Variants in LANCL2 observed in about 807,000 individuals in gnomAD.
LANCL2 encodes the protein LanC like glutathione S-transferase 2, also known as lanC-like protein 2.
A neutral mutation model predicts 56.9 loss-of-function variants in LANCL2; 33 were observed. The ratio of observed to expected loss-of-function variants is 0.58; its 90% confidence interval spans 0.44 to 0.78. The LOEUF is 0.78. LANCL2 is among the 30% of genes least tolerant of loss of function. The pLI, the probability that LANCL2 is intolerant of heterozygous loss-of-function variation, is 0.00. For synonymous variants in LANCL2, 233 were observed against 228.2 expected (o/e 1.02, Z -0.19); for missense variants, 562 against 580.2 (o/e 0.97, Z 0.32).
At chr7:55,385,088 A>G (rs1790109715) in intron 1 of LANCL2, among the ~76,000 whole-genome samples, 2 of 152,044 alleles carry the variant, frequency 1.3e-5, no homozygotes, top group East Asian at 1.9e-4. Flanking sequence ...TTGGGACGCT[A>G]AGGCAGGAGA....
At chr7:55,430,050 G>A (rs1568825) in intron 8 of LANCL2, among the ~76,000 whole-genome samples, 101,429 of 152,170 alleles carry the variant, frequency 0.67, 34,075 homozygotes, top group Admixed American at 0.73. Flanking sequence ...CAGTGGATCC[G>A]CTGCCCACAC....
At chr7:55,428,267 C>T (rs888394736) in intron 7 of LANCL2, 108 bp from the exon 8 acceptor site, 9 of 962,750 alleles carry the variant, frequency 9.3e-6, no homozygotes, top group East Asian at 2.4e-5. Flanking sequence ...GAATGCCCTA[C>T]AGCTGGGGGT....
rs183358599 is a variant in LANCL2, at chr7:55,391,212, G to A, written c.205-581G>A. 4.0e-4 allele frequency among the ~76,000 whole-genome samples: 60 copies of A among 151,578 alleles called. 2 individuals carry two copies. Among genetic ancestry groups the A allele is most frequent in the East Asian group, 1.8e-3 (9 of 5,142 alleles). ...TTTTGTGTTTTTTAGTAGAGACGGG[G>A]TTTCACTGTGTTAGCCAGGATGGTC... On this transcript the variant is annotated intron_variant, in intron 1 of 8. Transcript: ENST00000254770.
chr7:55,415,196 C>T (rs979354120), intron 6 of LANCL2, among the ~76,000 whole-genome samples: 9 of 152,072 alleles, frequency 5.9e-5, no homozygotes, highest in African/African-American at 2.2e-4. Flanking sequence ...TAAACAAATA[C>T]ATTTGTTAAA....
chr7:55,366,193 G>A lies in LANCL2; in HGVS notation c.168G>A (p.Thr56=). The A allele has an allele frequency of 6.5e-7, 1 of 1,546,842 alleles. No individual in the cohort carries two copies. The highest frequency in any genetic ancestry group is 8.7e-7 in the Non-Finnish European group (1 of 1,143,626). The change falls in exon 1 of 9, where the codon ACG becomes ACA. Residue 56 remains threonine (T), a synonymous_variant. Transcript: ENST00000254770. ...GCTGTGTTCGTCCCCCGGCGACCAC[G>A]GATGAGCCCGGCCTCCCTTTTCATC... ...ETGCVRPPAT[T]DEPGLPFHQD...
At chr7:55,400,138 T>C (rs1245199761) in intron 4 of LANCL2, 34 bp downstream of exon 4, 2 of 1,509,826 alleles carry the variant, frequency 1.3e-6, no homozygotes, top group South Asian at 2.7e-5. Flanking sequence ...TGGGCGTCTC[T>C]ACCATTCAAA....
chr7:55,378,161 C>T (rs1790024226), intron 1 of LANCL2, among the ~76,000 whole-genome samples: 1 of 152,156 alleles, frequency 6.6e-6, no homozygotes, highest in South Asian at 2.1e-4. Context: ...TGTTAGTTAT[C>T]TTTATAATAC....
At chr7:55,420,589 C>T (rs548670082) in intron 6 of LANCL2, among the ~76,000 whole-genome samples, 15 of 152,342 alleles carry the variant, frequency 9.8e-5, no homozygotes, top group African/African-American at 2.6e-4. Flanking sequence ...TCTTCAATTA[C>T]AGAGGTCAGC....
intron 1 of LANCL2, among the ~76,000 whole-genome samples, chr7:55,377,600 C>T (rs1790017723): frequency 6.6e-6 from 1 of 152,066 alleles, no homozygotes; most frequent in South Asian, 2.1e-4. Context: ...CATAAATGTG[C>T]CTTGTGTATC....
intron 1 of LANCL2, among the ~76,000 whole-genome samples, chr7:55,372,907 A>G (rs1273688552): frequency 6.6e-6 from 1 of 152,202 alleles, no homozygotes; most frequent in Non-Finnish European, 1.5e-5. Context: ...CCATACACAT[A>G]CATTCTTCCT....
rs1790231314 is a variant in LANCL2 at position 55,394,850 on chromosome 7, G to A, written c.322+2940G>A. The stretch of plus-strand genomic sequence containing the variant: ...TGCAGAGCGGGCAGGCGGTGTGCCA[G>A]GAGAAGCTGGGAATAAAGGCATGGA... On this transcript the variant is annotated intron_variant, in intron 2 of 8. Transcript: ENST00000254770. Among the ~76,000 whole-genome samples the A allele has an allele frequency of 2.0e-5, 3 of 152,004 alleles. No individual in the cohort carries two copies. In the South Asian group the frequency reaches 6.2e-4, roughly 31 times the overall value.
At chr7:55,409,313 C>A (rs1213963142) in intron 5 of LANCL2, among the ~76,000 whole-genome samples, 1 of 151,728 alleles carries the variant, frequency 6.6e-6, no homozygotes, top group Non-Finnish European at 1.5e-5. Context: ...AGGACGGTCT[C>A]GATCTGACCT....
chr7:55,410,569 A>T (rs191761472), intron 5 of LANCL2, among the ~76,000 whole-genome samples: 1 of 152,208 alleles, frequency 6.6e-6, no homozygotes, highest in East Asian at 1.9e-4. Flanking sequence ...TTCAGTTTTG[A>T]GAGTACTTTA....
intron 6 of LANCL2, among the ~76,000 whole-genome samples, chr7:55,424,877 C>T (rs1166792067): frequency 1.3e-5 from 2 of 152,214 alleles, no homozygotes; most frequent in African/African-American, 4.8e-5. Flanking sequence ...GAGAGCGAAC[C>T]GTATCGTGAA....
chr7:55,419,424 T>C (rs1790582230), intron 6 of LANCL2, among the ~76,000 whole-genome samples: 1 of 144,986 alleles, frequency 6.9e-6, no homozygotes, highest in Admixed American at 7.1e-5. Context: ...TTTTTGGAGA[T>C]AGAATCTTGC....
chr7:55,417,861 T>G (rs1790563079), intron 6 of LANCL2, among the ~76,000 whole-genome samples: 1 of 151,968 alleles, frequency 6.6e-6, no homozygotes, highest in South Asian at 2.1e-4. Flanking sequence ...GTATTTTTAG[T>G]AGAGACGGGG....
chr7:55,428,202 C>G, intron 7 of LANCL2, 173 bp from the exon 8 acceptor site: 1 of 622,382 alleles, frequency 1.6e-6, no homozygotes, highest in Admixed American at 2.8e-5. Context: ...CAAGCAGAGC[C>G]TTGCTGGGCC....
At chr7:55,406,551 G>C (rs1003700165) in intron 5 of LANCL2, among the ~76,000 whole-genome samples, 9 of 152,168 alleles carry the variant, frequency 5.9e-5, no homozygotes, top group African/African-American at 2.2e-4. Flanking sequence ...TAGCTTCAAG[G>C]TTGCCTCAGG....
rs983713058 is a variant in LANCL2 at position 55,432,596 on chromosome 7, C to T, written c.*1276C>T. On this transcript the variant is annotated 3_prime_UTR_variant, in exon 9 of 9. Coordinates refer to ENST00000254770, the MANE Select transcript of LANCL2 (RefSeq NM_018697.4). ...TTGTGTCATGAAAGACAAGAGGCCTCTCTTAACAGCCCAGTCCTTGTCTGC... is the reference window on the plus strand; with the variant it reads ...TTGTGTCATGAAAGACAAGAGGCCTTTCTTAACAGCCCAGTCCTTGTCTGC... 3.3e-5 allele frequency: 5 copies of T among 152,218 alleles called. No homozygotes were observed. Among genetic ancestry groups the T allele is most frequent in the African/African-American group, 4.8e-5 (2 of 41,448 alleles). 9.4% of individuals were successfully genotyped at this position (152,218 alleles called of 1,614,324 possible). A position where few individuals can be genotyped will look rare whatever the true frequency, so the allele number is the denominator to read the frequency against.
Sources: gnomAD v4.1 joint callset for allele counts (sites outside exome capture counted in the v4.1 genomes callset) on GRCh38, gnomAD v4.1.1 for gene constraint, MANE v1.5 for transcripts, NCBI Gene and HGNC (gene_info 2026-07-23, HGNC 2026-07-21) for gene names.